Variants in PCDHA8 observed in about 807,000 individuals in gnomAD.
PCDHA8 encodes the protein protocadherin alpha-8.
In PCDHA8, 53 loss-of-function variants were observed where a neutral mutation model predicts 61.8. The observed-to-expected ratio is 0.86, with a 90% CI of 0.69 to 1.08. The LOEUF is 1.08. PCDHA8 is among the 50% of genes least tolerant of loss of function. PCDHA8 has a pLI of 0.00. For missense variants in PCDHA8, 1,293 were observed against 1,245.0 expected, an observed-to-expected ratio of 1.04 and a Z score of -0.58; for synonymous variants, 618 against 556.6, an observed-to-expected ratio of 1.11 and a Z score of -1.55.
chr5:140,946,561 T>C (rs1193170794), intron 1 of PCDHA8, among the ~76,000 whole-genome samples: 1 of 148,756 alleles, frequency 6.7e-6, no homozygotes, highest in Non-Finnish European at 1.5e-5. Context: ...AGTTCAGATA[T>C]AGAATCAACT....
intron 1 of PCDHA8, among the ~76,000 whole-genome samples, chr5:140,950,723 A>G (rs1478275346): frequency 1.3e-5 from 2 of 151,984 alleles, no homozygotes; most frequent in African/African-American, 4.8e-5. Flanking sequence ...ATATCCTTAA[A>G]TTTTTTAATC....
chr5:141,001,403 G>C (rs2098015477), intron 3 of PCDHA8, among the ~76,000 whole-genome samples: 1 of 152,232 alleles, frequency 6.6e-6, no homozygotes, highest in Non-Finnish European at 1.5e-5. Flanking sequence ...AGAACAGGGA[G>C]TATATTTTTA....
chr5:140,843,282 A>G lies in PCDHA8; in HGVS notation c.1961A>G (p.His654Arg). ...RHRLLVLVKD[H>R]GEPALTATAT... is the part of the protein sequence containing the mutation. ...CGTCTGCTGGTCCTGGTGAAGGATC[A>G]TGGTGAACCTGCGCTGACCGCCACG... The change falls in exon 1 of 4, where the codon CAT becomes CGT. Residue 654 changes from histidine (H) to arginine (R), a missense_variant. His to Arg is a conservative substitution (Grantham distance 29). Transcript: ENST00000531613. The G allele has an allele frequency of 1.3e-6, 2 of 1,596,026 alleles. No individual in the cohort carries two copies. Among genetic ancestry groups the G allele is most frequent in the South Asian group, 1.1e-5 (1 of 90,502 alleles).
chr5:140,897,937 C>T (rs1487544322), intron 1 of PCDHA8, among the ~76,000 whole-genome samples: 7 of 152,184 alleles, frequency 4.6e-5, no homozygotes, highest in African/African-American at 1.7e-4. Flanking sequence ...CTCTGATGGC[C>T]AGTGATGATT....
chr5:140,875,651 T>C lies in PCDHA8; in HGVS notation c.2394+31936T>C, dbSNP rs782085221. 1.4e-5 allele frequency: 23 copies of C among 1,613,722 alleles called. No homozygotes were observed. The East Asian group carries it at 5.1e-4, about 36-fold the overall frequency. On this transcript the variant is annotated intron_variant, in intron 1 of 3. Transcript: ENST00000531613. The stretch of plus-strand genomic sequence containing the variant: ...CTGGGGCTGGAGCTGGCGGAGCTGG[T>C]GCCGCGCCTGTTCCGGGTGGCGTCC...
intron 1 of PCDHA8, among the ~76,000 whole-genome samples, chr5:140,903,033 G>A (rs2069954043): frequency 6.6e-6 from 1 of 152,180 alleles, no homozygotes; most frequent in African/African-American, 2.4e-5. Context: ...GCTTGCACAT[G>A]TGTCTTTTTC....
At chr5:140,905,130 G>A (rs2071615464) in intron 1 of PCDHA8, among the ~76,000 whole-genome samples, 1 of 152,178 alleles carries the variant, frequency 6.6e-6, no homozygotes, top group African/African-American at 2.4e-5. Flanking sequence ...GTCTAGAAGA[G>A]TTTTTCTGCT....
At position 140,848,656 on chromosome 5, in the gene PCDHA8, TGGAGCTGGC is replaced by T. The variant is rs2150416289; in HGVS notation, c.2394+4950_2394+4958del. 5 of 1,592,712 alleles carry T rather than the reference TGGAGCTGGC, an allele frequency of 3.1e-6. 1 individual carries two copies. Among genetic ancestry groups the T allele is most frequent in the Admixed American group, 3.4e-5 (2 of 59,208 alleles). ...GGCCGCATCGCGCAGGACCTGGGGC[TGGAGCTGGC>T]GGAGCTGGTGCCGCGCCTGTTCCAG... On this transcript the variant is annotated intron_variant, in intron 1 of 3. Coordinates refer to ENST00000531613, the MANE Select transcript of PCDHA8 (RefSeq NM_018911.3).
chr5:140,848,761 G>C lies in PCDHA8; in HGVS notation c.2394+5046G>C, dbSNP rs200597765. 1.3e-5 allele frequency: 21 copies of C among 1,593,458 alleles called. No individual in the cohort carries two copies. In the South Asian group the frequency reaches 2.2e-4, roughly 17 times the overall value. On this transcript the variant is annotated intron_variant, in intron 1 of 3. Coordinates refer to ENST00000531613, the MANE Select transcript of PCDHA8 (RefSeq NM_018911.3). Reference sequence around the variant, plus strand: ...AATGGCATTTTGTTTGTGAATTCTCGGATCGACCGCGAGGAGCTGTGCGGG... The same window carrying C: ...AATGGCATTTTGTTTGTGAATTCTCCGATCGACCGCGAGGAGCTGTGCGGG...
chr5:140,911,343 C>G (rs1223805451), intron 1 of PCDHA8, among the ~76,000 whole-genome samples: 1 of 152,136 alleles, frequency 6.6e-6, no homozygotes, highest in African/African-American at 2.4e-5. Flanking sequence ...CAATCAATGC[C>G]CTCATTTCAA....
rs2150353196 is a variant in PCDHA8 at position 140,843,120 on chromosome 5, A to G, written c.1799A>G (p.Asp600Gly). The G allele has an allele frequency of 2.5e-6, 4 of 1,595,472 alleles. 1 individual carries two copies. Among genetic ancestry groups the G allele is most frequent in the Non-Finnish European group, 3.4e-6 (4 of 1,165,480 alleles). The part of the protein sequence containing the change: ...VVAKVRAVDA[D>G]SGYNAWLSYE... Reference sequence around the variant, plus strand: ...GCGAAGGTGCGCGCAGTGGACGCCGACTCGGGCTACAACGCGTGGCTTTCG... The same window carrying G: ...GCGAAGGTGCGCGCAGTGGACGCCGGCTCGGGCTACAACGCGTGGCTTTCG... Residue 600 changes from aspartate to glycine, a missense_variant, in exon 1 of 4, where the codon GAC (aspartate) becomes GGC (glycine). Coordinates refer to ENST00000531613, the MANE Select transcript of PCDHA8 (RefSeq NM_018911.3).
Position 140,848,531 on chromosome 5 carries a change from G to C in PCDHA8, c.2394+4816G>C. On this transcript the variant is annotated intron_variant, in intron 1 of 3. Coordinates refer to ENST00000531613, the MANE Select transcript of PCDHA8 (RefSeq NM_018911.3). ...CAAGTCGAGGAGATCCAGAGGGTCA[G>C]CCTCTACTGCTCTCGCTTCTGATCC... 3 of 1,594,876 alleles carry C rather than the reference G, an allele frequency of 1.9e-6. 1 individual carries two copies. The South Asian group carries it at 3.3e-5, about 18-fold the overall frequency.
intron 1 of PCDHA8, among the ~76,000 whole-genome samples, chr5:140,880,422 C>T (rs782802267): frequency 6.6e-6 from 1 of 152,252 alleles, no homozygotes; most frequent in Non-Finnish European, 1.5e-5. Flanking sequence ...AAAGCGGGAA[C>T]AGTTTTTCCT....
intron 1 of PCDHA8, among the ~76,000 whole-genome samples, chr5:140,960,487 GGTTT>G: frequency 6.6e-6 from 1 of 152,236 alleles, no homozygotes; most frequent in South Asian, 2.1e-4. Context: ...CAGAGGTGTA[GGTTT>G]GTTTGTTCCA....
intron 3 of PCDHA8, among the ~76,000 whole-genome samples, chr5:140,999,595 C>T (rs1232390404): frequency 1.3e-5 from 2 of 152,148 alleles, no homozygotes; most frequent in East Asian, 3.9e-4. Flanking sequence ...GCCTTCCCTA[C>T]ATCCTGGGGG....
intron 1 of PCDHA8, among the ~76,000 whole-genome samples, chr5:140,941,250 T>TCCTTCCTTC (rs1441496906): frequency 7.2e-6 from 1 of 139,474 alleles, no homozygotes; most frequent in East Asian, 2.1e-4. Context: ...TTTCTTTCTT[T>TCCTTCCTTC]CTTTCTCTTT....
intron 1 of PCDHA8, among the ~76,000 whole-genome samples, chr5:140,910,796 C>T (rs2075173732): frequency 6.6e-6 from 1 of 152,112 alleles, no homozygotes; most frequent in South Asian, 2.1e-4. Flanking sequence ...ATGCAGAATC[C>T]CTGCTTAGTG....
rs782361309 is a variant in PCDHA8 at position 140,857,289 on chromosome 5, G to T, written c.2394+13574G>T. 3 of 1,598,578 alleles carry T rather than the reference G, an allele frequency of 1.9e-6. 1 individual carries two copies. Among genetic ancestry groups the T allele is most frequent in the Middle Eastern group, 1.7e-4 (1 of 5,944 alleles). ...TTGGTGCTGGACAGCGCTCTGGACC[G>T]CGAGAGGGTGTCGGCCTATGAGCTG... is the stretch of plus-strand genomic sequence containing the variant. On this transcript the variant is annotated intron_variant, in intron 1 of 3. Transcript: ENST00000531613.
intron 1 of PCDHA8, chr5:140,928,025 G>T: frequency 6.2e-7 from 1 of 1,614,148 alleles, no homozygotes; most frequent in South Asian, 1.1e-5. Flanking sequence ...GTCATTTGTG[G>T]CATGTCTAGT....
Sources: gnomAD v4.1 joint callset for allele counts (sites outside exome capture counted in the v4.1 genomes callset) on GRCh38, gnomAD v4.1.1 for gene constraint, MANE v1.5 for transcripts, NCBI Gene and HGNC (gene_info 2026-07-23, HGNC 2026-07-21) for gene names.